NDP: variants seen among roughly 807,000 people sequenced by gnomAD.
The protein encoded by NDP is norrin cystine knot growth factor NDP, also known as norrin.
A neutral mutation model predicts 8.4 loss-of-function variants in NDP; 2 were observed. The observed-to-expected ratio is 0.24, with a 90% CI of 0.10 to 0.75. NDP has a LOEUF of 0.75. NDP is among the 30% of genes least tolerant of loss of function. The pLI, the probability that NDP is intolerant of heterozygous loss-of-function variation, is 0.73. For missense variants in NDP, 81 were observed against 110.1 expected, an observed-to-expected ratio of 0.74 and a Z score of 1.18; for synonymous variants, 55 against 45.6, an observed-to-expected ratio of 1.21 and a Z score of -0.83.
intron 1 of NDP, among the ~76,000 whole-genome samples, chrX:43,962,859 A>G (rs976630187): frequency 2.7e-5 from 3 of 112,160 alleles, no homozygotes; most frequent in African/African-American, 9.7e-5. Context: ...GTGGAAAAGA[A>G]CAACTGGTGC....
At chrX:43,971,201 C>T (rs5906319) in intron 1 of NDP, among the ~76,000 whole-genome samples, 36,631 of 110,715 alleles carry the variant, frequency 0.33, 4,656 homozygotes, top group African/African-American at 0.44. Context: ...TTGCATCCAT[C>T]GGGACTAGCA....
intron 2 of NDP, among the ~76,000 whole-genome samples, chrX:43,952,016 T>C (rs1330591038): frequency 1.8e-5 from 2 of 112,213 alleles, no homozygotes; most frequent in Non-Finnish European, 3.8e-5. Flanking sequence ...AGTCTTGCTA[T>C]GTTGTCCAGG....
intron 1 of NDP, 87 bp from the exon 2 acceptor site, chrX:43,958,939 C>A: frequency 3.2e-6 from 1 of 314,362 alleles, no homozygotes; most frequent in Non-Finnish European, 5.7e-6. Flanking sequence ...AGAATTTTTC[C>A]ATGTTATTTT....
chrX:43,961,799 C>T (rs1011099941), intron 1 of NDP, among the ~76,000 whole-genome samples: 5 of 111,365 alleles, frequency 4.5e-5, no homozygotes, highest in South Asian at 7.6e-4. Flanking sequence ...CTTATAATTA[C>T]GGGAAGGCAT....
intron 2 of NDP, among the ~76,000 whole-genome samples, chrX:43,952,828 A>G (rs2035770586): frequency 9.0e-6 from 1 of 111,467 alleles, no homozygotes; most frequent in South Asian, 3.8e-4. Context: ...AATCTTGAAG[A>G]GGAGTCAAGG....
Position 43,949,795 on chromosome X carries a change from G to C in NDP, c.*4C>G. On this transcript the variant is annotated 3_prime_UTR_variant, in exon 3 of 3. Transcript: ENST00000642620. ...CATCCAGAAGCCACACACAGCAGCG[G>C]GCCTCAGGAATTGCATTCCTCGCAG... 1.7e-6 allele frequency: 2 copies of C among 1,168,794 alleles called. No homozygotes were observed. The highest frequency in any genetic ancestry group is 3.5e-5 in the African/African-American group (2 of 56,559).
At chrX:43,966,988 T>A (rs181240767) in intron 1 of NDP, among the ~76,000 whole-genome samples, 1 of 111,554 alleles carries the variant, frequency 9.0e-6, no homozygotes, top group Non-Finnish European at 1.9e-5. Context: ...CTGAATTCAA[T>A]CCCGTTGCAA....
rs2035810623 is a variant in NDP, at chrX:43,958,819, C to T, written c.-174G>A. 6.3e-6 allele frequency: 3 copies of T among 476,137 alleles called. No individual in the cohort carries two copies. Among genetic ancestry groups the T allele is most frequent in the East Asian group, 3.7e-5 (1 of 26,973 alleles). The allele number at this position is 476,137 out of a possible 1,213,427, so 39.2% of individuals were successfully genotyped here. ...CTGGAGTTTTGTCTTACTCTTTGCA[C>T]TTGCAATCCATCATCACAGTATCTG... On this transcript the variant is annotated 5_prime_UTR_variant, in exon 2 of 3. The change creates a new upstream start codon in the 5' untranslated region. Transcript: ENST00000642620.
intron 1 of NDP, among the ~76,000 whole-genome samples, chrX:43,963,777 T>C (rs1471389659): frequency 8.9e-6 from 1 of 112,649 alleles, no homozygotes; most frequent in African/African-American, 3.2e-5. Context: ...CAAATGCCTC[T>C]TCCCAAGGCA....
chrX:43,958,716 ACCT>A lies in NDP; in HGVS notation c.-74_-72del, dbSNP rs2035809920. On this transcript the variant is annotated 5_prime_UTR_variant, in exon 2 of 3. Transcript: ENST00000642620. Reference sequence around the variant, plus strand: ...AGGACAAAAAATTGGAAATGGCTTCACCTCCTAGGATCCAGTCCCGTTCAAGGA... The same window carrying A: ...AGGACAAAAAATTGGAAATGGCTTCACCTAGGATCCAGTCCCGTTCAAGGA... The A allele has an allele frequency of 3.2e-6, 3 of 932,771 alleles. No homozygotes were observed. Among genetic ancestry groups the A allele is most frequent in the East Asian group, 3.1e-5 (1 of 31,749 alleles). The allele number at this position is 932,771 out of a possible 1,213,427, so 76.9% of individuals were successfully genotyped here. A position where few individuals can be genotyped will look rare whatever the true frequency, so the allele number is the denominator to read the frequency against.
chrX:43,964,077 G>A (rs905838079), intron 1 of NDP, among the ~76,000 whole-genome samples: 3 of 111,737 alleles, frequency 2.7e-5, no homozygotes, highest in Non-Finnish European at 5.6e-5. Context: ...GTGCAGGGGT[G>A]GTGGGGGGGT....
At chrX:43,956,855 T>A (rs1232246078) in intron 2 of NDP, among the ~76,000 whole-genome samples, 1 of 111,956 alleles carries the variant, frequency 8.9e-6, no homozygotes, top group Non-Finnish European at 1.9e-5. Flanking sequence ...CTAAGACTCA[T>A]GCTCAGAATT....
At chrX:43,961,705 C>T (rs73475760) in intron 1 of NDP, among the ~76,000 whole-genome samples, 1,888 of 111,393 alleles carry the variant, frequency 0.017, 40 homozygotes, top group African/African-American at 0.059. Flanking sequence ...CTTTTAAAAG[C>T]TCAGCTTAAA....
intron 1 of NDP, among the ~76,000 whole-genome samples, chrX:43,971,180 C>T (rs1333393453): frequency 8.9e-6 from 1 of 112,068 alleles, no homozygotes; most frequent in African/African-American, 3.3e-5. Context: ...GGGACAATGT[C>T]TCATTCACCT....
intron 1 of NDP, among the ~76,000 whole-genome samples, chrX:43,965,872 T>C (rs1403722071): frequency 9.0e-6 from 1 of 111,681 alleles, no homozygotes; most frequent in Non-Finnish European, 1.9e-5. Flanking sequence ...GGGAGGTACA[T>C]TCCAGAAGCC....
At chrX:43,964,484 T>C (rs2035845802) in intron 1 of NDP, among the ~76,000 whole-genome samples, 1 of 111,166 alleles carries the variant, frequency 9.0e-6, no homozygotes, top group African/African-American at 3.3e-5. Flanking sequence ...GACTCGACCT[T>C]GAGCCTGACT....
chrX:43,961,503 A>G (rs2035825988), intron 1 of NDP, among the ~76,000 whole-genome samples: 1 of 112,310 alleles, frequency 8.9e-6, no homozygotes, highest in African/African-American at 3.2e-5. Flanking sequence ...AAATGGAGAG[A>G]GATAAAAACA....
At chrX:43,966,173 A>T (rs941494355) in intron 1 of NDP, among the ~76,000 whole-genome samples, 3 of 112,036 alleles carry the variant, frequency 2.7e-5, no homozygotes, top group Non-Finnish European at 3.8e-5. Context: ...CCAGCTACCC[A>T]AATAAAAGCT....
intron 2 of NDP, among the ~76,000 whole-genome samples, chrX:43,951,117 G>T (rs1013990136): frequency 3.6e-5 from 4 of 110,302 alleles, no homozygotes; most frequent in Non-Finnish European, 7.6e-5. Context: ...AAGTGATGGA[G>T]AAAAAAATCC....
Sources: gnomAD v4.1 joint callset for allele counts (sites outside exome capture counted in the v4.1 genomes callset) on GRCh38, gnomAD v4.1.1 for gene constraint, MANE v1.5 for transcripts, NCBI Gene and HGNC (gene_info 2026-07-23, HGNC 2026-07-21) for gene names.